Variants in SPAG16 observed in about 807,000 individuals in gnomAD.
SPAG16 encodes sperm associated antigen 16, also known as sperm-associated antigen 16 protein.
A neutral mutation model predicts 80.4 loss-of-function variants in SPAG16; 86 were observed. The observed-to-expected ratio is 1.07, with a 90% CI of 0.90 to 1.28. SPAG16 has a LOEUF of 1.28. Among genes scored for constraint, SPAG16 ranks in the 50% most tolerant of loss-of-function variants. SPAG16 has a pLI of 0.00. For missense variants in SPAG16, 870 were observed against 765.3 expected, an observed-to-expected ratio of 1.14 and a Z score of -1.61; for synonymous variants, 294 against 265.9, an observed-to-expected ratio of 1.11 and a Z score of -1.03.
chr2:214,295,989 C>T (rs1694103703), intron 15 of SPAG16, among the ~76,000 whole-genome samples: 2 of 152,014 alleles, frequency 1.3e-5, no homozygotes, highest in Non-Finnish European at 2.9e-5. Flanking sequence ...TTCTAGTATA[C>T]CAATCACCCA....
intron 9 of SPAG16, among the ~76,000 whole-genome samples, chr2:213,411,892 T>TA (rs57998726): frequency 0.26 from 37,916 of 147,832 alleles, 5,468 homozygotes; most frequent in Middle Eastern, 0.44. Context: ...TAAGCCATGT[T>TA]AAAAAAAAAA....
intron 9 of SPAG16, among the ~76,000 whole-genome samples, chr2:213,471,231 A>C (rs2073060136): frequency 6.6e-6 from 1 of 152,212 alleles, no homozygotes; most frequent in Non-Finnish European, 1.5e-5. Flanking sequence ...TGAAGCCATC[A>C]GTGCAGGCTG....
intron 10 of SPAG16, among the ~76,000 whole-genome samples, chr2:213,842,306 A>G (rs2074400102): frequency 6.6e-6 from 1 of 152,144 alleles, no homozygotes; most frequent in African/African-American, 2.4e-5. Flanking sequence ...TTTTGAACAT[A>G]GGTTATTTTC....
Position 214,224,858 on chromosome 2 carries a change from C to A in SPAG16, c.1720+75592C>A, listed in dbSNP as rs145233153. Among the ~76,000 whole-genome samples the A allele has an allele frequency of 3.8e-3, 573 of 152,198 alleles. 2 individuals carry two copies. The highest frequency in any genetic ancestry group is 0.013 in the African/African-American group (554 of 41,526). On this transcript the variant is annotated intron_variant, in intron 15 of 15. Transcript: ENST00000331683. ...AGAAACAGAGTAGAACTGTCCCTGA[C>A]CTCATAGGGCTTATCTTCTAGTGAG... is the stretch of plus-strand genomic sequence containing the variant.
At chr2:213,435,444 A>G (rs2070566915) in intron 9 of SPAG16, among the ~76,000 whole-genome samples, 1 of 152,182 alleles carries the variant, frequency 6.6e-6, no homozygotes. Flanking sequence ...AATGTACATT[A>G]TTCAATTACT....
chr2:213,490,136 A>T, intron 10 of SPAG16, 46 bp downstream of exon 10: 1 of 1,517,174 alleles, frequency 6.6e-7, no homozygotes, highest in South Asian at 1.3e-5. Context: ...TTTTATTTTC[A>T]TGTCAAAATT....
intron 15 of SPAG16, among the ~76,000 whole-genome samples, chr2:214,291,300 CTT>C (rs56771172): frequency 1.2e-5 from 1 of 80,484 alleles, no homozygotes; most frequent in African/African-American, 5.1e-5. Flanking sequence ...GATCATGTTT[CTT>C]TTTTTTTTTT....
intron 10 of SPAG16, among the ~76,000 whole-genome samples, chr2:213,633,109 T>G (rs2062219621): frequency 6.6e-6 from 1 of 152,196 alleles, no homozygotes; most frequent in African/African-American, 2.4e-5. Flanking sequence ...GGACTTTTCT[T>G]CACTGAGAGA....
intron 15 of SPAG16, among the ~76,000 whole-genome samples, chr2:214,369,008 C>T (rs1464635921): frequency 6.6e-6 from 1 of 152,014 alleles, no homozygotes; most frequent in Non-Finnish European, 1.5e-5. Context: ...ACAACAGAAC[C>T]CCGTACTTTA....
intron 12 of SPAG16, among the ~76,000 whole-genome samples, chr2:214,002,006 G>GTGGC (rs2046811921): frequency 1.3e-5 from 2 of 152,166 alleles, no homozygotes; most frequent in Non-Finnish European, 2.9e-5. Context: ...AGCTTGCATG[G>GTGGC]TGGCAGACAA....
chr2:213,329,584 A>G (rs528996203), intron 5 of SPAG16, among the ~76,000 whole-genome samples: 49 of 152,330 alleles, frequency 3.2e-4, no homozygotes, highest in South Asian at 8.3e-4. Context: ...TGTTAAAGGC[A>G]TTCAGTTTCA....
chr2:214,063,017 A>G (rs2125190152), intron 13 of SPAG16, among the ~76,000 whole-genome samples: 1 of 152,352 alleles, frequency 6.6e-6, no homozygotes, highest in Middle Eastern at 3.4e-3. Context: ...CAACATTTCA[A>G]AAACATCATT....
At chr2:214,311,203 C>T (rs1695283412) in intron 15 of SPAG16, among the ~76,000 whole-genome samples, 1 of 152,032 alleles carries the variant, frequency 6.6e-6, no homozygotes, top group Admixed American at 6.6e-5. Context: ...CCCCTCTCTC[C>T]CTCTCTCTAG....
At chr2:213,797,193 G>A (rs978914329) in intron 10 of SPAG16, among the ~76,000 whole-genome samples, 1 of 151,982 alleles carries the variant, frequency 6.6e-6, no homozygotes, top group African/African-American at 2.4e-5. Context: ...AGTTTATAAA[G>A]TAAAAATGTT....
intron 10 of SPAG16, among the ~76,000 whole-genome samples, chr2:213,593,254 A>G (rs2060770342): frequency 6.6e-6 from 1 of 152,162 alleles, no homozygotes; most frequent in South Asian, 2.1e-4. Flanking sequence ...GTCAGATTGA[A>G]CAGTGCATTT....
intron 15 of SPAG16, among the ~76,000 whole-genome samples, chr2:214,218,752 G>A (rs1386295679): frequency 1.3e-5 from 2 of 152,222 alleles, no homozygotes; most frequent in Non-Finnish European, 1.5e-5. Flanking sequence ...AGGTAGTCAT[G>A]TCACTTTGTT....
chr2:214,003,940 C>G (rs1470669014), intron 12 of SPAG16, among the ~76,000 whole-genome samples: 1 of 152,150 alleles, frequency 6.6e-6, no homozygotes, highest in Non-Finnish European at 1.5e-5. Context: ...AACAAAAAAT[C>G]ACAGAAGCAT....
chr2:213,293,937 G>C lies in SPAG16; in HGVS notation c.137-2127G>C, dbSNP rs529586036. ...TTCACTTTTATATTACTTGTGGTGA[G>C]AATATTTAAGATCTACTCTCTTTAC... On this transcript the variant is annotated intron_variant, in intron 1 of 15. Coordinates refer to ENST00000331683, the MANE Select transcript of SPAG16 (RefSeq NM_024532.5). 2.8e-4 allele frequency among the ~76,000 whole-genome samples: 42 copies of C among 152,160 alleles called. 1 individual carries two copies. In the South Asian group the frequency reaches 4.4e-3, roughly 16 times the overall value.
chr2:213,713,430 G>GT (rs2125367606), intron 10 of SPAG16, among the ~76,000 whole-genome samples: 1 of 152,292 alleles, frequency 6.6e-6, no homozygotes, highest in Non-Finnish European at 1.5e-5. Context: ...AGTACTAAGG[G>GT]GCATTATAAG....
Sources: gnomAD v4.1 joint callset for allele counts (sites outside exome capture counted in the v4.1 genomes callset) on GRCh38, gnomAD v4.1.1 for gene constraint, MANE v1.5 for transcripts, NCBI Gene and HGNC (gene_info 2026-07-23, HGNC 2026-07-21) for gene names.